Variants in TINAG observed in about 807,000 individuals in gnomAD.
TINAG encodes the protein tubulointerstitial nephritis antigen.
TINAG carries 83 observed loss-of-function variants against 72.7 expected under a neutral mutation model. That is an observed-to-expected ratio of 1.14 (90% confidence interval 0.96 to 1.37). TINAG has a LOEUF of 1.37. TINAG is among the 40% of genes most tolerant of loss of function. The pLI is 0.00. For synonymous variants in TINAG, 234 were observed against 189.9 expected (o/e 1.23, Z -1.91); for missense variants, 685 against 576.6 (o/e 1.19, Z -1.93).
At chr6:54,308,260 A>G (rs1023825601), upstream of TINAG, among the ~76,000 whole-genome samples, 1 of 152,144 alleles carries the variant, frequency 6.6e-6, no homozygotes, top group Non-Finnish European at 1.5e-5. Context: ...TATGCATAAG[A>G]TTTTATGTAG....
chr6:54,353,901 TAG>T (rs1466668817), intron 8 of TINAG, among the ~76,000 whole-genome samples: 1 of 151,796 alleles, frequency 6.6e-6, no homozygotes, highest in African/African-American at 2.4e-5. Flanking sequence ...CAGCACACAA[TAG>T]AGAGATGAAG....
intron 9 of TINAG, among the ~76,000 whole-genome samples, chr6:54,371,023 T>C (rs1371322407): frequency 1.3e-5 from 2 of 152,042 alleles, no homozygotes; most frequent in Non-Finnish European, 2.9e-5. Context: ...TTCTTTTTAT[T>C]CAGGCAAAGA....
chr6:54,390,116 T>C lies in TINAG; in HGVS notation c.*191T>C. On this transcript the variant is annotated 3_prime_UTR_variant, in exon 11 of 11. Coordinates refer to ENST00000259782, the MANE Select transcript of TINAG (RefSeq NM_014464.4). ...TATTACTGAGCATTAACAACACCAA[T>C]AAAGGACAGCAGAGTCCCTAAATGT... The C allele has an allele frequency of 1.4e-6, 1 of 705,816 alleles. No individual in the cohort carries two copies. Among genetic ancestry groups the C allele is most frequent in the Non-Finnish European group, 2.2e-6 (1 of 461,910 alleles). 43.7% of individuals were successfully genotyped at this position (705,816 alleles called of 1,614,324 possible).
Position 54,336,529 on chromosome 6 carries a change from A to T in TINAG, c.625-6697A>T, listed in dbSNP as rs9382324. On this transcript the variant is annotated intron_variant, in intron 4 of 10. Transcript: ENST00000259782. ...AGACATAATGTTCAAGTGCTTGTGA[A>T]TTTGGGAGATAGCACCAAGAAGCTT... is the stretch of plus-strand genomic sequence containing the variant. 8.9e-3 allele frequency among the ~76,000 whole-genome samples: 1,354 copies of T among 152,298 alleles called. 30 individuals carry two copies. The highest frequency in any genetic ancestry group is 0.053 in the East Asian group (275 of 5,178).
intron 4 of TINAG, among the ~76,000 whole-genome samples, chr6:54,337,839 A>T (rs1246034665): frequency 6.6e-6 from 1 of 152,202 alleles, no homozygotes; most frequent in African/African-American, 2.4e-5. Flanking sequence ...AGAGGGGAAG[A>T]GAGGCAGGGC....
chr6:54,334,629 T>C (rs1254756474), intron 4 of TINAG, among the ~76,000 whole-genome samples: 1 of 152,194 alleles, frequency 6.6e-6, no homozygotes. Context: ...CAAGCCAAGA[T>C]TGAGAGAGGT....
intron 5 of TINAG, among the ~76,000 whole-genome samples, chr6:54,344,373 C>T (rs2150955520): frequency 6.6e-6 from 1 of 152,280 alleles, no homozygotes; most frequent in South Asian, 2.1e-4. Flanking sequence ...CTGCTCCCCA[C>T]ACCCCCTCTC....
At chr6:54,336,813 G>A (rs1784874732) in intron 4 of TINAG, among the ~76,000 whole-genome samples, 1 of 152,044 alleles carries the variant, frequency 6.6e-6, no homozygotes, top group African/African-American at 2.4e-5. Context: ...TTTAAAACCT[G>A]TTGGTGTACT....
At chr6:54,376,997 A>C (rs1763803882) in intron 9 of TINAG, among the ~76,000 whole-genome samples, 2 of 152,128 alleles carry the variant, frequency 1.3e-5, no homozygotes. Context: ...GATTTTTTTC[A>C]AAACCAGCAT....
At chr6:54,353,904 A>G (rs2150962352) in intron 8 of TINAG, among the ~76,000 whole-genome samples, 1 of 151,992 alleles carries the variant, frequency 6.6e-6, no homozygotes, top group African/African-American at 2.4e-5. Flanking sequence ...CACACAATAG[A>G]GAGATGAAGT....
intron 8 of TINAG, 132 bp from the exon 9 acceptor site, chr6:54,354,381 C>T (rs999815387): frequency 3.9e-6 from 3 of 768,050 alleles, no homozygotes; most frequent in African/African-American, 3.7e-5. Flanking sequence ...GAAAATTAGG[C>T]TGAATCACAC....
chr6:54,330,406 A>T (rs766528540), intron 4 of TINAG, among the ~76,000 whole-genome samples: 1 of 152,200 alleles, frequency 6.6e-6, no homozygotes, highest in East Asian at 1.9e-4. Flanking sequence ...TTTGAAACAA[A>T]TGAGAACAAA....
At chr6:54,317,647 G>A (rs1784403637) in intron 1 of TINAG, among the ~76,000 whole-genome samples, 1 of 152,016 alleles carries the variant, frequency 6.6e-6, no homozygotes, top group Non-Finnish European at 1.5e-5. Context: ...GTGAGAACAG[G>A]CTAATACATG....
intron 9 of TINAG, among the ~76,000 whole-genome samples, chr6:54,356,212 A>G (rs575022004): frequency 6.6e-6 from 1 of 151,982 alleles, no homozygotes; most frequent in African/African-American, 2.4e-5. Flanking sequence ...CTCTACTAAA[A>G]TTAACAACTT....
At position 54,343,352 on chromosome 6, in the gene TINAG, A is replaced by T; in HGVS notation, c.748+3A>T. On this transcript the variant is annotated splice_donor_region_variant and intron_variant, in intron 5 of 10. Coordinates refer to ENST00000259782, the MANE Select transcript of TINAG (RefSeq NM_014464.4). The stretch of plus-strand genomic sequence containing the variant: ...ATCCTGGGCATTTTCCACTGCAAGT[A>T]ATAAAGTCATTTTAATTCCTTCCTT... 1.3e-6 allele frequency: 2 copies of T among 1,521,114 alleles called. No homozygotes were observed. Among genetic ancestry groups the T allele is most frequent in the Admixed American group, 3.8e-5 (2 of 52,158 alleles). 94.2% of individuals were successfully genotyped at this position (1,521,114 alleles called of 1,614,324 possible). A position where few individuals can be genotyped will look rare whatever the true frequency, so the allele number is the denominator to read the frequency against.
At position 54,349,587 on chromosome 6, in the gene TINAG, A is replaced by G. The variant is rs1272198870; in HGVS notation, c.900-129A>G. On this transcript the variant is annotated intron_variant, in intron 6 of 10. Coordinates refer to ENST00000259782, the MANE Select transcript of TINAG (RefSeq NM_014464.4). The stretch of plus-strand genomic sequence containing the variant: ...AGCTTCTGTGTTGGAGTCACTCACT[A>G]TTTTGAAAATTATGCATGTAAGTAA... 6 of 755,460 alleles carry G rather than the reference A, an allele frequency of 7.9e-6. No individual in the cohort carries two copies. In the African/African-American group the frequency reaches 9.0e-5, roughly 11 times the overall value. The allele number at this position is 755,460 out of a possible 1,614,324, so 46.8% of individuals were successfully genotyped here.
chr6:54,329,938 A>T (rs1279172864), intron 4 of TINAG, among the ~76,000 whole-genome samples: 1 of 152,190 alleles, frequency 6.6e-6, no homozygotes, highest in African/African-American at 2.4e-5. Flanking sequence ...ATGAATATGT[A>T]TGCACCCAAT....
chr6:54,374,995 G>T (rs991715700), intron 9 of TINAG, among the ~76,000 whole-genome samples: 1 of 151,782 alleles, frequency 6.6e-6, no homozygotes, highest in African/African-American at 2.4e-5. Context: ...CAGTCTATTG[G>T]GTACGTGCAG....
At chr6:54,317,529 C>T (rs947497743) in intron 1 of TINAG, among the ~76,000 whole-genome samples, 1 of 152,106 alleles carries the variant, frequency 6.6e-6, no homozygotes, top group South Asian at 2.1e-4. Context: ...GCTCTTCCTT[C>T]GTCTTTTGCA....
Sources: allele counts gnomAD v4.1 joint callset (sites outside exome capture counted in the v4.1 genomes callset), GRCh38; gene constraint gnomAD v4.1.1; transcripts MANE v1.5; gene names NCBI Gene and HGNC (gene_info 2026-07-23, HGNC 2026-07-21).